GPN1: variants seen among roughly 807,000 people sequenced by gnomAD.
The protein encoded by GPN1 is ATP(GTP)-binding protein.
A neutral mutation model predicts 55.9 loss-of-function variants in GPN1; 44 were observed. The observed-to-expected ratio is 0.79, with a 90% confidence interval of 0.62 to 1.01. The LOEUF (loss-of-function observed/expected upper bound fraction) is 1.01. Ranked by LOEUF, GPN1 falls within the 50% of genes least tolerant of loss-of-function variation. GPN1 has a pLI of 0.00. For missense variants in GPN1, 466 were observed against 462.8 expected, an observed-to-expected ratio of 1.01 and a Z score of -0.06; for synonymous variants, 179 against 162.5, an observed-to-expected ratio of 1.10 and a Z score of -0.77.
At chr2:27,633,260 A>G (rs1389247198) in intron 5 of GPN1, among the ~76,000 whole-genome samples, 8 of 152,242 alleles carry the variant, frequency 5.3e-5, no homozygotes, top group Non-Finnish European at 1.2e-4. Flanking sequence ...CACAGATAGA[A>G]GGATGAATGG....
chr2:27,645,587 T>C (rs1674187443), intron 12 of GPN1, among the ~76,000 whole-genome samples: 1 of 152,204 alleles, frequency 6.6e-6, no homozygotes, highest in African/African-American at 2.4e-5. Context: ...TCAGGTCTAC[T>C]TGTGTCTTTC....
chr2:27,634,549 C>T (rs2148066801), intron 5 of GPN1, among the ~76,000 whole-genome samples: 2 of 152,338 alleles, frequency 1.3e-5, no homozygotes, highest in South Asian at 2.1e-4. Context: ...AAGAGATTTA[C>T]ATTCTGGTTT....
Position 27,631,464 on chromosome 2 carries a change from C to T in GPN1, c.246-370C>T, listed in dbSNP as rs183286676. On this transcript the variant is annotated intron_variant, in intron 3 of 13. Transcript: ENST00000610189. ...ATGTGTACTCTCTCCGTAGGCAAGT[C>T]TAAGTAGGAAGACTAATCATAATCA... The T allele has an allele frequency of 7.1e-3, 2,967 of 418,318 alleles. 12 individuals are homozygous for T. The highest frequency in any genetic ancestry group is 0.011 in the South Asian group (376 of 35,470). The allele number at this position is 418,318 out of a possible 1,614,324, so 25.9% of individuals were successfully genotyped here. A position where few individuals can be genotyped will look rare whatever the true frequency, so the allele number is the denominator to read the frequency against.
upstream of GPN1, chr2:27,628,910 G>A: frequency 3.4e-6 from 5 of 1,482,552 alleles, no homozygotes; most frequent in Non-Finnish European, 4.5e-6. Flanking sequence ...AGCCCTGCCC[G>A]ACGCTAAGAA....
upstream of GPN1, chr2:27,629,031 T>A (rs753108595): frequency 5.1e-5 from 82 of 1,613,772 alleles, no homozygotes; most frequent in Non-Finnish European, 6.9e-5. Context: ...GGTGTCTCTA[T>A]GGTCGGGTGG....
chr2:27,643,792 T>G lies in GPN1; in HGVS notation c.931+1273T>G, dbSNP rs1674079772. Among the ~76,000 whole-genome samples the G allele has an allele frequency of 6.6e-6, 1 of 152,230 alleles. No individual in the cohort carries two copies. The highest frequency in any genetic ancestry group is 1.5e-5 in the Non-Finnish European group (1 of 68,042). On this transcript the variant is annotated intron_variant, in intron 12 of 13. Transcript: ENST00000610189. This position sits in a 1 kb window ranked among gnomAD's most constrained non-coding sequence, Gnocchi z 4.0. ...ATTGTGTTTTTTCAAGGAATCACAT[T>G]GGGAGGCACGTGATGTTGATTTGTC...
At chr2:27,632,440 G>T (rs978252590) in intron 4 of GPN1, among the ~76,000 whole-genome samples, 193 bp from the exon 5 acceptor site, 4 of 152,170 alleles carry the variant, frequency 2.6e-5, no homozygotes, top group African/African-American at 9.7e-5. Flanking sequence ...GATGGTATTG[G>T]AGTGCTGCTG....
intron 3 of GPN1, chr2:27,631,609 G>A: frequency 1.7e-6 from 1 of 577,844 alleles, no homozygotes; most frequent in South Asian, 2.1e-5. Context: ...TGGTCACTTT[G>A]CTTTCTTCAT....
In GPN1 at chr2:27,642,466, A is replaced by C. The variant is rs1418471872; in HGVS notation, c.878A>C (p.Glu293Ala). Reference protein sequence around the residue: ...AESQQQREQLERLRKDMGSVA... With the variant: ...AESQQQREQLARLRKDMGSVA... ...AGCCAACAGCAGAGAGAACAACTGG[A>C]ACGCCTTCGAAAAGATATGGGTTCT... The change falls in exon 12 of 14, where the codon GAA (glutamate) becomes GCA (alanine). Residue 293 changes from glutamate (E) to alanine (A), a missense_variant. Glu to Ala is a moderately radical substitution (Grantham distance 107). Transcript: ENST00000610189. 2 of 1,613,672 alleles carry C rather than the reference A, an allele frequency of 1.2e-6. No homozygotes were observed. The highest frequency in any genetic ancestry group is 1.7e-6 in the Non-Finnish European group (2 of 1,179,570).
At chr2:27,644,740 T>TTTTTTTTTTTTTTC (rs1389842515) in intron 12 of GPN1, among the ~76,000 whole-genome samples, 1 of 148,524 alleles carries the variant, frequency 6.7e-6, no homozygotes, top group Non-Finnish European at 1.5e-5. Context: ...TTTTTTTTTT[T>TTTTTTTTTTTTTTC]TTTACAGATG....
Position 27,643,082 on chromosome 2 carries a change from C to G in GPN1, c.931+563C>G, listed in dbSNP as rs1467263161. ...TACAGCTCTACCACTTTGGGTTCCT[C>G]TTTCAGGAAGTTTTTGCTTTACTTT... On this transcript the variant is annotated intron_variant, in intron 12 of 13. Coordinates refer to ENST00000610189, the MANE Select transcript of GPN1 (RefSeq NM_007266.4). The surrounding 1 kb of genome is among the most constrained non-coding windows in gnomAD (Gnocchi z 4.0). Among the ~76,000 whole-genome samples the G allele has an allele frequency of 2.0e-5, 3 of 151,348 alleles. No individual in the cohort carries two copies. In the East Asian group the frequency reaches 5.8e-4, roughly 29 times the overall value.
intron 12 of GPN1, among the ~76,000 whole-genome samples, chr2:27,644,393 T>C (rs1331135193): frequency 6.6e-6 from 1 of 152,226 alleles, no homozygotes; most frequent in Admixed American, 6.5e-5. Flanking sequence ...TCAGTTATCC[T>C]TTGACTTTGT....
chr2:27,649,654 T>C (rs1384756855), intron 13 of GPN1, among the ~76,000 whole-genome samples: 19 of 152,212 alleles, frequency 1.2e-4, no homozygotes. Flanking sequence ...CATTTGACTT[T>C]TTTGACTCAG....
rs1572969596 is a variant in GPN1, at chr2:27,650,582, A to G, written c.*382A>G. ...AGATCTCTATTATTAGGCTAGATGT[A>G]TAGCCTCTACTCCCCCAGCTTCTTG... is the stretch of plus-strand genomic sequence containing the variant. On this transcript the variant is annotated 3_prime_UTR_variant, in exon 14 of 14. Transcript: ENST00000610189. The G allele has an allele frequency of 6.4e-6, 1 of 156,090 alleles. No individual in the cohort carries two copies. Among genetic ancestry groups the G allele is most frequent in the African/African-American group, 2.4e-5 (1 of 41,626 alleles). 9.7% of individuals were successfully genotyped at this position (156,090 alleles called of 1,614,324 possible).
In GPN1 at chr2:27,631,890, G is replaced by C; in HGVS notation, c.302G>C (p.Arg101Thr). 6.3e-7 allele frequency: 1 copy of C among 1,576,706 alleles called. No homozygotes were observed. Among genetic ancestry groups the C allele is most frequent in the Admixed American group, 1.7e-5 (1 of 59,984 alleles). The change falls in exon 4 of 14, where the codon AGA becomes ACA. Residue 101 changes from arginine to threonine, a missense_variant. Coordinates refer to ENST00000610189, the MANE Select transcript of GPN1 (RefSeq NM_007266.4). ...IVTSLNLFAT[R>T]FDQVMKFIEK... ...ACCTCACTCAATCTCTTTGCTACCA[G>C]ATTTGATCAGGTATATCTGTCTTTA...
intron 12 of GPN1, among the ~76,000 whole-genome samples, chr2:27,647,249 T>A (rs926955662): frequency 1.3e-5 from 2 of 152,216 alleles, no homozygotes; most frequent in African/African-American, 4.8e-5. Context: ...CAGTAGTGAC[T>A]TGATTAGACT....
chr2:27,638,354 C>A, intron 8 of GPN1, 99 bp downstream of exon 8: 1 of 709,172 alleles, frequency 1.4e-6, no homozygotes, highest in South Asian at 1.6e-5. Context: ...ATGCTGGAGA[C>A]CAGATTCAGG....
At chr2:27,632,139 C>T (rs1159597902) in intron 4 of GPN1, among the ~76,000 whole-genome samples, 4 of 152,110 alleles carry the variant, frequency 2.6e-5, no homozygotes, top group South Asian at 2.1e-4. Flanking sequence ...ATTTTCTTGA[C>T]CTGTTCTTTG....
intron 10 of GPN1, 63 bp downstream of exon 10, chr2:27,640,188 C>T (rs1673883447): frequency 1.1e-5 from 12 of 1,062,544 alleles, no homozygotes; most frequent in East Asian, 2.4e-5. Context: ...GATATGAAAG[C>T]AGTTTTTCCA....
Sources: gnomAD v4.1 joint callset for allele counts (sites outside exome capture counted in the v4.1 genomes callset) on GRCh38, gnomAD v4.1.1 for gene constraint, Gnocchi (gnomAD v3.1) non-coding constraint, MANE v1.5 for transcripts, NCBI Gene and HGNC (gene_info 2026-07-23, HGNC 2026-07-21) for gene names.